Variants in MITF observed in about 807,000 individuals in gnomAD.
MITF encodes the protein microphthalmia-associated transcription factor.
MITF carries 17 observed loss-of-function variants against 60.5 expected under a neutral mutation model. The observed-to-expected ratio is 0.28, with a 90% confidence interval of 0.19 to 0.42. MITF has a LOEUF of 0.42. Among genes scored for constraint, MITF ranks in the 10% least tolerant of loss-of-function variants. The pLI is 1.00. For synonymous variants in MITF, 260 were observed against 248.5 expected, an observed-to-expected ratio of 1.05 and a Z score of -0.43; for missense variants, 622 against 683.5, an observed-to-expected ratio of 0.91 and a Z score of 1.00.
At chr3:69,771,549 T>G (rs2062394687) in intron 1 of MITF, among the ~76,000 whole-genome samples, 1 of 152,242 alleles carries the variant, frequency 6.6e-6, no homozygotes, top group African/African-American at 2.4e-5. Context: ...CACACATAGC[T>G]GCTTCAGCCA....
At chr3:69,761,376 T>C (rs2106801972) in intron 1 of MITF, among the ~76,000 whole-genome samples, 1 of 152,314 alleles carries the variant, frequency 6.6e-6, no homozygotes, top group Non-Finnish European at 1.5e-5. Flanking sequence ...TGCTTGTCTG[T>C]TTTCTGTCAC....
At chr3:69,744,179 T>A (rs1447065467) in intron 1 of MITF, among the ~76,000 whole-genome samples, 3 of 152,254 alleles carry the variant, frequency 2.0e-5, no homozygotes, top group Non-Finnish European at 4.4e-5. Context: ...GTCACACGCA[T>A]ACCTACATAT....
intron 1 of MITF, among the ~76,000 whole-genome samples, chr3:69,865,725 T>C (rs1461917892): frequency 6.6e-6 from 1 of 152,140 alleles, no homozygotes; most frequent in African/African-American, 2.4e-5. Context: ...CTCTAGCCTG[T>C]CAGCAAGGAG....
chr3:69,966,469 A>C lies in MITF; in HGVS notation c.*1221A>C, dbSNP rs1426256487. The C allele has an allele frequency of 8.6e-6, 2 of 232,740 alleles. No homozygotes were observed. The highest frequency in any genetic ancestry group is 1.7e-5 in the Non-Finnish European group (2 of 117,576). The allele number at this position is 232,740 out of a possible 1,614,324, so 14.4% of individuals were successfully genotyped here. On this transcript the variant is annotated 3_prime_UTR_variant, in exon 10 of 10. Coordinates refer to ENST00000352241, the MANE Select transcript of MITF (RefSeq NM_001354604.2). ...ATAAACTTACATATTTATTTTTAGG[A>C]CATGAAAATAGCAATATTCTTGGAG...
At position 69,739,614 on chromosome 3, in the gene MITF, G is replaced by A. The variant is rs1246900531; in HGVS notation, c.17G>A (p.Gly6Glu). Residue 6 changes from glycine (G) to glutamate (E), a missense_variant, in exon 1 of 10, where the codon GGG becomes GAG. Gly to Glu is a moderately conservative substitution (Grantham distance 98). This residue lies in a region of MITF where 149 missense variants were observed against 157.8 expected (regional missense o/e 0.94). Transcript: ENST00000352241. ...GCGGGAGCCATGCAGTCCGAATCGGGGATCGTGCCGGATTTCGAAGTCGGG... is the reference window on the plus strand; with the variant it reads ...GCGGGAGCCATGCAGTCCGAATCGGAGATCGTGCCGGATTTCGAAGTCGGG... MQSES[G>E]IVPDFEVGEE... The A allele has an allele frequency of 6.3e-7, 1 of 1,578,270 alleles. No individual in the cohort carries two copies. Among genetic ancestry groups the A allele is most frequent in the East Asian group, 2.3e-5 (1 of 43,764 alleles).
chr3:69,912,127 G>A (rs1009492639), intron 2 of MITF, among the ~76,000 whole-genome samples: 5 of 152,198 alleles, frequency 3.3e-5, no homozygotes, highest in Non-Finnish European at 7.3e-5. Context: ...AGTGATAAAA[G>A]CAAGTTTGTT....
At chr3:69,799,843 C>G (rs1280411649) in intron 1 of MITF, among the ~76,000 whole-genome samples, 1 of 152,144 alleles carries the variant, frequency 6.6e-6, no homozygotes, top group Non-Finnish European at 1.5e-5. Context: ...GAAACCTATA[C>G]TGGGACCACT....
At chr3:69,809,463 T>G (rs1421401389) in intron 1 of MITF, among the ~76,000 whole-genome samples, 1 of 152,206 alleles carries the variant, frequency 6.6e-6, no homozygotes, top group Non-Finnish European at 1.5e-5. Context: ...ATGCTTTATC[T>G]ATAACCAGCC....
At chr3:69,944,995 A>T (rs1055979252) in intron 5 of MITF, among the ~76,000 whole-genome samples, 3 of 152,132 alleles carry the variant, frequency 2.0e-5, no homozygotes, top group African/African-American at 7.2e-5. Flanking sequence ...TACTTAGGAA[A>T]AAATAAAGTG....
intron 4 of MITF, among the ~76,000 whole-genome samples, chr3:69,939,393 A>G (rs917839780): frequency 1.3e-5 from 2 of 151,930 alleles, no homozygotes; most frequent in Admixed American, 6.6e-5. Context: ...TTTTTCCCCT[A>G]AGTTGCTGCA....
chr3:69,901,076 T>C (rs1000475729), intron 2 of MITF, among the ~76,000 whole-genome samples: 1 of 152,026 alleles, frequency 6.6e-6, no homozygotes, highest in Non-Finnish European at 1.5e-5. Flanking sequence ...TGGAGGAAGG[T>C]TGCTACAGTA....
chr3:69,748,188 G>A (rs1225004838), intron 1 of MITF, among the ~76,000 whole-genome samples: 1 of 152,158 alleles, frequency 6.6e-6, no homozygotes, highest in Non-Finnish European at 1.5e-5. Flanking sequence ...CAAAGCATTT[G>A]GATTTTAGTA....
At chr3:69,754,756 C>T (rs1477773484) in intron 1 of MITF, among the ~76,000 whole-genome samples, 1 of 151,644 alleles carries the variant, frequency 6.6e-6, no homozygotes, top group African/African-American at 2.4e-5. Flanking sequence ...GGTAATTGTA[C>T]AGATTAAAAG....
At chr3:69,936,992 C>G (rs1304186075) in intron 2 of MITF, 1 of 410,500 alleles carries the variant, frequency 2.4e-6, no homozygotes, top group African/African-American at 2.3e-5. Context: ...AAACTATCTT[C>G]ATCAGCTCCT....
intron 2 of MITF, among the ~76,000 whole-genome samples, chr3:69,921,577 G>A (rs915868933): frequency 6.6e-6 from 1 of 152,118 alleles, no homozygotes; most frequent in African/African-American, 2.4e-5. Context: ...ATTGAATTAG[G>A]CTATTTACAG....
At chr3:69,924,598 T>C (rs562184625) in intron 2 of MITF, among the ~76,000 whole-genome samples, 32 of 152,372 alleles carry the variant, frequency 2.1e-4, no homozygotes, top group African/African-American at 7.5e-4. Context: ...TCGAGAGTTA[T>C]TGACTCGGCT....
chr3:69,837,860 A>G (rs975488852), intron 1 of MITF, among the ~76,000 whole-genome samples: 1 of 152,184 alleles, frequency 6.6e-6, no homozygotes, highest in Admixed American at 6.5e-5. Flanking sequence ...TATTATCTCT[A>G]TAAAATCTGG....
intron 5 of MITF, among the ~76,000 whole-genome samples, chr3:69,944,682 G>C (rs2066052141): frequency 6.6e-6 from 1 of 152,024 alleles, no homozygotes; most frequent in South Asian, 2.1e-4. Context: ...CTCTCTGCTT[G>C]TGTTTCCTTG....
intron 5 of MITF, among the ~76,000 whole-genome samples, chr3:69,943,549 T>G (rs543686450): frequency 1.8e-4 from 27 of 152,242 alleles, no homozygotes; most frequent in African/African-American, 6.5e-4. Flanking sequence ...TTATTAAGTA[T>G]AACTTATTAA....
Sources: gnomAD v4.1 joint callset for allele counts (sites outside exome capture counted in the v4.1 genomes callset) on GRCh38, gnomAD v4.1.1 for gene constraint, gnomAD v4.1.1 regional missense constraint, MANE v1.5 for transcripts, NCBI Gene and HGNC (gene_info 2026-07-23, HGNC 2026-07-21) for gene names.